Variants in CELF2 observed in about 807,000 individuals in gnomAD.
CELF2 encodes the protein CUGBP Elav-like family member 2.
A neutral mutation model predicts 62.6 loss-of-function variants in CELF2; 8 were observed. The ratio of observed to expected loss-of-function variants is 0.13; its 90% CI spans 0.07 to 0.23. The LOEUF (loss-of-function observed/expected upper bound fraction) is 0.23, where lower values mean the gene tolerates loss of function less well. Ranked by LOEUF, CELF2 falls within the 10% of genes least tolerant of loss-of-function variation. The pLI, the probability that CELF2 is intolerant of heterozygous loss-of-function variation, is 1.00. For missense variants in CELF2, 333 were observed against 671.0 expected, an observed-to-expected ratio of 0.50 and a Z score of 5.56; for synonymous variants, 258 against 250.0, an observed-to-expected ratio of 1.03 and a Z score of -0.30.
At chr10:10,587,810 C>G in the CELF2 span, among the ~76,000 whole-genome samples, 2 of 152,036 alleles carry the variant, frequency 1.3e-5, no homozygotes, top group African/African-American at 4.8e-5. Context: ...TAGCCAAATT[C>G]AAGAGGAGAA....
chr10:11,234,091 C>A (rs2136513231), intron 3 of CELF2, among the ~76,000 whole-genome samples: 1 of 152,340 alleles, frequency 6.6e-6, no homozygotes, highest in South Asian at 2.1e-4. Context: ...TGTGTCCCAG[C>A]TGTATGATAC....
In CELF2 at chr10:11,073,293, A is replaced by T. The variant is rs567881872; in HGVS notation, c.74+55130A>T. On this transcript the variant is annotated intron_variant, in intron 1 of 12. Transcript: ENST00000633077. Reference sequence around the variant, plus strand: ...GCATTTTTCTCTAGGAAGGCTTTTTATTATATTTTGGTGGCACTTAAGCCC... The same window carrying T: ...GCATTTTTCTCTAGGAAGGCTTTTTTTTATATTTTGGTGGCACTTAAGCCC... 7.8e-4 allele frequency among the ~76,000 whole-genome samples: 119 copies of T among 152,204 alleles called. 2 individuals carry two copies. Among genetic ancestry groups the T allele is most frequent in the Non-Finnish European group, 1.5e-3 (101 of 67,992 alleles).
At chr10:11,274,343 C>T (rs1233251438) in intron 7 of CELF2, among the ~76,000 whole-genome samples, 2 of 152,198 alleles carry the variant, frequency 1.3e-5, no homozygotes, top group East Asian at 3.8e-4. Flanking sequence ...GGCACCCACT[C>T]ATTCTGCATG....
chr10:10,611,840 C>T, the CELF2 span, among the ~76,000 whole-genome samples: 2 of 152,148 alleles, frequency 1.3e-5, no homozygotes, highest in Admixed American at 6.5e-5. Context: ...CTCAGGTAAG[C>T]TATTTGTCAA....
chr10:10,995,002 G>A lies in CELF2; in HGVS notation c.89+75003G>A, dbSNP rs1328311143. Among the ~76,000 whole-genome samples the A allele has an allele frequency of 6.6e-6, 1 of 152,072 alleles. No homozygotes were observed. The highest frequency in any genetic ancestry group is 1.5e-5 in the Non-Finnish European group (1 of 68,014). ...TCCTGTCTCTGCAAAAGTCTCCCTG[G>A]TGATTCCAGCGCGCTCTTATCACCT... is the stretch of plus-strand genomic sequence containing the variant. On this transcript the variant is annotated intron_variant, in intron 2 of 13. Transcript: ENST00000636488. This position sits in a 1 kb window ranked among gnomAD's most constrained non-coding sequence, Gnocchi z 4.7.
At chr10:10,629,851 G>A in the CELF2 span, among the ~76,000 whole-genome samples, 2 of 105,282 alleles carry the variant, frequency 1.9e-5, no homozygotes, top group Non-Finnish European at 3.5e-5. Flanking sequence ...TGCAAAGCAC[G>A]GCTGAAGACC....
chr10:11,028,426 T>C (rs2059588470), intron 1 of CELF2, among the ~76,000 whole-genome samples: 1 of 142,202 alleles, frequency 7.0e-6, no homozygotes, highest in South Asian at 2.2e-4. Context: ...CTTTTTCTTT[T>C]TTTTTTTTTT....
At chr10:10,660,120 T>C in the CELF2 span, among the ~76,000 whole-genome samples, 1 of 152,198 alleles carries the variant, frequency 6.6e-6, no homozygotes, top group African/African-American at 2.4e-5. Context: ...TTACCTTTGA[T>C]TCCCCCAAAA....
Position 11,290,916 on chromosome 10 carries a change from G to C in CELF2, c.976+2364G>C, listed in dbSNP as rs1282568934. On this transcript the variant is annotated intron_variant, in intron 9 of 12. Transcript: ENST00000633077. This position sits in a 1 kb window ranked among gnomAD's most constrained non-coding sequence, Gnocchi z 4.3. ...CTTAAGTGTAACTAAAAAATCTGAT[G>C]TTTAAGTGAAAGTAAATTATTTGTC... Among the ~76,000 whole-genome samples the C allele has an allele frequency of 1.3e-5, 2 of 152,178 alleles. No individual in the cohort carries two copies. The highest frequency in any genetic ancestry group is 4.8e-5 in the African/African-American group (2 of 41,418).
At chr10:10,950,843 T>G (rs747415913) in intron 2 of CELF2, among the ~76,000 whole-genome samples, 2 of 152,210 alleles carry the variant, frequency 1.3e-5, no homozygotes, top group Non-Finnish European at 2.9e-5. Context: ...TTGCAAAAAG[T>G]GTGTCATCCT....
At chr10:10,758,459 G>A in the CELF2 span, among the ~76,000 whole-genome samples, 1 of 152,142 alleles carries the variant, frequency 6.6e-6, no homozygotes, top group Non-Finnish European at 1.5e-5. Flanking sequence ...ACATCTTCCT[G>A]CCTCGTCCAA....
intron 2 of CELF2, among the ~76,000 whole-genome samples, chr10:10,987,082 C>T (rs942883665): frequency 1.3e-5 from 2 of 152,094 alleles, no homozygotes; most frequent in South Asian, 2.1e-4. Flanking sequence ...TTGGTCCTAC[C>T]GTCTCAATTG....
the CELF2 span, among the ~76,000 whole-genome samples, chr10:10,500,992 A>G: frequency 1.3e-5 from 2 of 152,202 alleles, no homozygotes; most frequent in Non-Finnish European, 2.9e-5. Flanking sequence ...CATGGTACGG[A>G]TGTGCCATAG....
chr10:11,221,425 G>T (rs1335793055), intron 3 of CELF2, among the ~76,000 whole-genome samples: 1 of 152,206 alleles, frequency 6.6e-6, no homozygotes, highest in African/African-American at 2.4e-5. Context: ...GTAAAATAGA[G>T]ACTTACCTGA....
At chr10:10,756,869 C>T in the CELF2 span, among the ~76,000 whole-genome samples, 19 of 152,298 alleles carry the variant, frequency 1.2e-4, no homozygotes, top group East Asian at 3.3e-3. Context: ...GGGGACTGGG[C>T]GCAGTGGCTC....
At chr10:11,005,249 A>AGAGAGG (rs2054985846), upstream of CELF2, 12 of 1,453,476 alleles carry the variant, frequency 8.3e-6, no homozygotes, top group South Asian at 2.5e-5. The surrounding 1 kb of genome is among the most constrained non-coding windows in gnomAD (Gnocchi z 4.3). Flanking sequence ...GAAGACAGAG[A>AGAGAGG]GAGAGGGAGA....
chr10:11,210,008 A>G (rs1386271646), intron 2 of CELF2, among the ~76,000 whole-genome samples: 1 of 152,168 alleles, frequency 6.6e-6, no homozygotes, highest in African/African-American at 2.4e-5. Flanking sequence ...CTTCATTCAC[A>G]GGAAAAAAAA....
Position 11,242,465 on chromosome 10 carries a change from C to T in CELF2, c.355-6688C>T, listed in dbSNP as rs190040761. Among the ~76,000 whole-genome samples, 243 of 152,218 alleles carry T rather than the reference C, an allele frequency of 1.6e-3. 1 individual carries two copies. Among genetic ancestry groups the T allele is most frequent in the African/African-American group, 5.4e-3 (226 of 41,532 alleles). ...CACCGAGGCAGAGGGCTTCAGAGAG[C>T]CCCACGAGGTTGTGTCCATAGTGGC... On this transcript the variant is annotated intron_variant, in intron 3 of 12. Coordinates refer to ENST00000633077, the MANE Select transcript of CELF2 (RefSeq NM_001326342.2). This position sits in a 1 kb window ranked among gnomAD's most constrained non-coding sequence, Gnocchi z 4.8.
At chr10:11,277,588 C>T (rs1296991391) in intron 8 of CELF2, among the ~76,000 whole-genome samples, 3 of 152,208 alleles carry the variant, frequency 2.0e-5, no homozygotes, top group African/African-American at 7.2e-5. Flanking sequence ...CATAAATCCC[C>T]AGTGGAGCTT....
Sources: gnomAD v4.1 joint callset for allele counts (sites outside exome capture counted in the v4.1 genomes callset) on GRCh38, gnomAD v4.1.1 for gene constraint, Gnocchi (gnomAD v3.1) non-coding constraint, MANE v1.5 for transcripts, NCBI Gene and HGNC (gene_info 2026-07-23, HGNC 2026-07-21) for gene names.